The following SYT1 variants were observed in gnomAD, a reference collection of about 807,000 sequenced individuals.
SYT1 encodes synaptotagmin 1.
SYT1 carries 8 observed loss-of-function variants against 44.8 expected under a neutral mutation model. The ratio of observed to expected loss-of-function variants is 0.18; its 90% CI spans 0.10 to 0.32. The LOEUF (loss-of-function observed/expected upper bound fraction) is 0.32, where lower values mean the gene tolerates loss of function less well. SYT1 is among the 10% of genes least tolerant of loss of function. The pLI is 1.00. For missense variants in SYT1, 286 were observed against 509.3 expected, an observed-to-expected ratio of 0.56 and a Z score of 4.22; for synonymous variants, 154 against 188.8, an observed-to-expected ratio of 0.82 and a Z score of 1.51.
intron 1 of SYT1, among the ~76,000 whole-genome samples, chr12:78,943,250 GT>G (rs1451365838): frequency 6.6e-6 from 1 of 152,146 alleles, no homozygotes; most frequent in East Asian, 1.9e-4. Flanking sequence ...GAACCTGATA[GT>G]GGGTAATTTA....
chr12:79,100,660 TAAG>T (rs1046142236), intron 3 of SYT1, among the ~76,000 whole-genome samples: 4 of 152,284 alleles, frequency 2.6e-5, no homozygotes, highest in Admixed American at 6.5e-5. Flanking sequence ...TTCCCTATAA[TAAG>T]AGAATGAATG....
chr12:79,208,407 A>G (rs1874250516), intron 3 of SYT1, among the ~76,000 whole-genome samples: 1 of 152,246 alleles, frequency 6.6e-6, no homozygotes, highest in South Asian at 2.1e-4. Flanking sequence ...TCTTTAGTAC[A>G]TGGTAAGTGA....
chr12:78,959,746 G>A (rs1879408290), intron 1 of SYT1, among the ~76,000 whole-genome samples: 1 of 152,082 alleles, frequency 6.6e-6, no homozygotes, highest in African/African-American at 2.4e-5. Context: ...TAATAAAAAC[G>A]CAGTTGCAAT....
chr12:79,391,865 G>A (rs550788339), intron 9 of SYT1, among the ~76,000 whole-genome samples: 71 of 152,276 alleles, frequency 4.7e-4, no homozygotes, highest in Middle Eastern at 6.8e-3. Flanking sequence ...GTAAGACAAT[G>A]GGTAGAATAC....
At chr12:79,287,985 T>G (rs962013820) in intron 5 of SYT1, among the ~76,000 whole-genome samples, 2 of 152,166 alleles carry the variant, frequency 1.3e-5, no homozygotes, top group Non-Finnish European at 2.9e-5. Flanking sequence ...GAGCACTTTG[T>G]CTACATAGGA....
chr12:79,039,637 T>C (rs55796404), intron 2 of SYT1, among the ~76,000 whole-genome samples: 1 of 151,578 alleles, frequency 6.6e-6, no homozygotes, highest in Non-Finnish European at 1.5e-5. Context: ...TTTTTTTTAT[T>C]ATACTTTAAG....
At chr12:79,414,961 C>T (rs995827780) in intron 9 of SYT1, among the ~76,000 whole-genome samples, 5 of 152,158 alleles carry the variant, frequency 3.3e-5, no homozygotes, top group African/African-American at 9.7e-5. Context: ...TCTCATGGCT[C>T]ACCACAGAAA....
At chr12:79,049,004 A>G (rs1302012716) in intron 3 of SYT1, among the ~76,000 whole-genome samples, 2 of 151,942 alleles carry the variant, frequency 1.3e-5, no homozygotes, top group African/African-American at 2.4e-5. Flanking sequence ...TACAATACTC[A>G]TTGGAAAATG....
rs1176517755 is a variant in SYT1 at position 79,311,001 on chromosome 12, C to T, written c.810+11450C>T. Among the ~76,000 whole-genome samples the T allele has an allele frequency of 2.0e-5, 3 of 152,228 alleles. No individual in the cohort carries two copies. In the East Asian group the frequency reaches 5.8e-4, roughly 29 times the overall value. ...CTTCCTCTTTTCCTAATTGAATACG[C>T]TTTATTTCCTTCTCCTGCCTAATGG... is the stretch of plus-strand genomic sequence containing the variant. On this transcript the variant is annotated intron_variant, in intron 8 of 10. Coordinates refer to ENST00000261205, the MANE Select transcript of SYT1 (RefSeq NM_005639.3).
intron 3 of SYT1, among the ~76,000 whole-genome samples, chr12:79,156,722 C>T (rs1870623420): frequency 6.6e-6 from 1 of 152,172 alleles, no homozygotes. Context: ...CCGCCTCAGC[C>T]TCCCAAAGTA....
intron 8 of SYT1, among the ~76,000 whole-genome samples, chr12:79,320,785 G>A (rs1368639966): frequency 6.6e-6 from 1 of 151,456 alleles, no homozygotes; most frequent in Non-Finnish European, 1.5e-5. Context: ...ACCAGGCACA[G>A]CTAATTTTTG....
chr12:79,269,405 CT>C (rs1462177298), intron 4 of SYT1, among the ~76,000 whole-genome samples: 4 of 152,102 alleles, frequency 2.6e-5, no homozygotes, highest in Non-Finnish European at 5.9e-5. Flanking sequence ...TCTTTCTAAG[CT>C]CCTAGGGAAA....
intron 4 of SYT1, among the ~76,000 whole-genome samples, chr12:79,262,073 G>A (rs1278857909): frequency 2.0e-5 from 3 of 152,074 alleles, no homozygotes; most frequent in Admixed American, 6.5e-5. Context: ...GGCAAAACCC[G>A]TGTGCATTGC....
intron 3 of SYT1, among the ~76,000 whole-genome samples, chr12:79,179,014 A>C (rs191752366): frequency 0.22 from 4,350 of 19,998 alleles, 1,255 homozygotes; most frequent in African/African-American, 0.42. Context: ...ATAGATATAT[A>C]GATATAGATA....
intron 3 of SYT1, among the ~76,000 whole-genome samples, chr12:79,147,259 C>T (rs1002694123): frequency 1.3e-5 from 2 of 152,194 alleles, no homozygotes; most frequent in Non-Finnish European, 2.9e-5. Flanking sequence ...CTCTCTTCCT[C>T]CACCTCTTAG....
intron 4 of SYT1, among the ~76,000 whole-genome samples, chr12:79,231,896 ATTCT>A (rs1875890188): frequency 6.6e-6 from 1 of 152,170 alleles, no homozygotes; most frequent in African/African-American, 2.4e-5. Flanking sequence ...TCACTCACAG[ATTCT>A]TAGCCAATAT....
chr12:79,292,577 G>A lies in SYT1; in HGVS notation c.474+447G>A, dbSNP rs61928789. Among the ~76,000 whole-genome samples, 1,296 of 152,222 alleles carry A rather than the reference G, an allele frequency of 8.5e-3. 5 individuals carry two copies. Among genetic ancestry groups the A allele is most frequent in the Non-Finnish European group, 0.013 (858 of 68,008 alleles). ...TAATATAATGATTTGATAAGGGATC[G>A]AAGATGAAAAATTAATTCTTGTCCA... On this transcript the variant is annotated intron_variant, in intron 6 of 10. Transcript: ENST00000261205.
At chr12:79,365,916 A>G (rs1007784276) in intron 9 of SYT1, among the ~76,000 whole-genome samples, 1 of 152,076 alleles carries the variant, frequency 6.6e-6, no homozygotes, top group African/African-American at 2.4e-5. Flanking sequence ...TGAATCCATT[A>G]AAACACTCAA....
chr12:79,311,921 T>C (rs1423123255), intron 8 of SYT1, among the ~76,000 whole-genome samples: 1 of 145,352 alleles, frequency 6.9e-6, no homozygotes, highest in Non-Finnish European at 1.5e-5. Flanking sequence ...TAATGCTAAA[T>C]GACGAGTTAA....
Sources: allele counts gnomAD v4.1 joint callset (sites outside exome capture counted in the v4.1 genomes callset), GRCh38; gene constraint gnomAD v4.1.1; transcripts MANE v1.5; gene names NCBI Gene and HGNC (gene_info 2026-07-23, HGNC 2026-07-21).